DNAH17: variants seen among roughly 807,000 people sequenced by gnomAD.
DNAH17 encodes axonemal beta dynein heavy chain 17.
Under a neutral mutation model 485.6 loss-of-function variants are expected in DNAH17, and 376 were observed. That is an observed-to-expected ratio of 0.77 (90% confidence interval 0.71 to 0.84). DNAH17 has a LOEUF of 0.84. Ranked by LOEUF, DNAH17 falls within the 40% of genes least tolerant of loss-of-function variation. The pLI, the probability that DNAH17 is intolerant of heterozygous loss-of-function variation, is 0.00. For missense variants in DNAH17, 6,370 were observed against 5,839.3 expected, an observed-to-expected ratio of 1.09 and a Z score of -2.96; for synonymous variants, 3,031 against 2,405.9, an observed-to-expected ratio of 1.26 and a Z score of -7.60.
intron 25 of DNAH17, 62 bp downstream of exon 25, chr17:78,524,947 T>G (rs1049513905): frequency 1.2e-5 from 19 of 1,550,148 alleles, no homozygotes; most frequent in Non-Finnish European, 1.5e-5. Flanking sequence ...TGCCCTCTTG[T>G]TGCCGGGGGC....
chr17:78,563,440 G>C (rs1391692174), intron 11 of DNAH17, among the ~76,000 whole-genome samples: 1 of 152,010 alleles, frequency 6.6e-6, no homozygotes, highest in Admixed American at 6.6e-5. Context: ...TGACTATCCT[G>C]TAATGCGGGT....
chr17:78,430,491 A>C (rs540212947), intron 75 of DNAH17, among the ~76,000 whole-genome samples: 1 of 152,202 alleles, frequency 6.6e-6, no homozygotes, highest in African/African-American at 2.4e-5. Flanking sequence ...GCTGTCATCA[A>C]ATACCAGTGG....
rs370590530 is a variant in DNAH17 at position 78,459,227 on chromosome 17, G to C, written c.9654-19C>G. 10 of 1,611,270 alleles carry C rather than the reference G, an allele frequency of 6.2e-6. No homozygotes were observed. The African/African-American group carries it at 1.3e-4, about 22-fold the overall frequency. ...GTAGGGCCTAGCGAGGGAACCAGAG[G>C]GCCGGAGTCGTCACCCTGTCCTGCT... On this transcript the variant is annotated intron_variant, in intron 60 of 80. Transcript: ENST00000389840.
In DNAH17 at chr17:78,532,612, G is replaced by A. The variant is rs367759410; in HGVS notation, c.2984C>T (p.Thr995Met). The A allele has an allele frequency of 4.5e-5, 72 of 1,606,150 alleles. No homozygotes were observed. The highest frequency in any genetic ancestry group is 1.3e-4 in the South Asian group (12 of 89,602). The change falls in exon 20 of 81, where the codon ACG becomes ATG. Residue 995 changes from threonine to methionine, a missense_variant. By Grantham distance (81) the Thr-to-Met change is moderately conservative. Coordinates refer to ENST00000389840, the MANE Select transcript of DNAH17 (RefSeq NM_173628.4). ...CTTCATAAACTCCTGCAGGTTGTCC[G>A]TCCAGAGGTAGGAGTACCTCTCAAA... ...DSFERYSYLW[T>M]DNLQEFMKNF... is the part of the protein sequence containing the mutation.
At chr17:78,557,994 T>C in intron 14 of DNAH17, 114 bp downstream of exon 14, 1 of 1,281,658 alleles carries the variant, frequency 7.8e-7, no homozygotes, top group Admixed American at 2.7e-5. Context: ...TGAATTTGAG[T>C]GAATGGGAAG....
At chr17:78,434,530 C>T (rs1014478983) in intron 74 of DNAH17, among the ~76,000 whole-genome samples, 3 of 152,144 alleles carry the variant, frequency 2.0e-5, no homozygotes, top group Admixed American at 1.3e-4. Flanking sequence ...TTCGGGACTA[C>T]TTTAATACGA....
At chr17:78,505,174 G>T in intron 31 of DNAH17, 119 bp downstream of exon 31, 1 of 1,327,080 alleles carries the variant, frequency 7.5e-7, no homozygotes, top group African/African-American at 1.5e-5. Flanking sequence ...AGGAGCAGGG[G>T]CGGGCTGGCA....
Position 78,445,679 on chromosome 17 carries a change from A to T in DNAH17, c.11213T>A (p.Val3738Asp). The T allele has an allele frequency of 6.3e-7, 1 of 1,589,546 alleles. No individual in the cohort carries two copies. ...GTTCAGCTCCTTCTTCATGGACAGGACCTGGGGGAACATCGAGGTGTACAC... is the reference window on the plus strand; with the variant it reads ...GTTCAGCTCCTTCTTCATGGACAGGTCCTGGGGGAACATCGAGGTGTACAC... ...LIFLAQVTFQ[V>D]LSMKKELNPV... is the part of the protein sequence containing the mutation. Residue 3738 changes from valine (V) to aspartate (D), a missense_variant and splice_region_variant, in exon 70 of 81, where the codon GTC becomes GAC. Val to Asp is a radical substitution (Grantham distance 152). Coordinates refer to ENST00000389840, the MANE Select transcript of DNAH17 (RefSeq NM_173628.4).
rs1323592555 is a variant in DNAH17, at chr17:78,449,534, G to T, written c.11091C>A (p.Asn3697Lys). Residue 3697 changes from asparagine to lysine, a missense_variant, in exon 69 of 81, where the codon AAC (asparagine) becomes AAA (lysine). Transcript: ENST00000389840. ...EKAIQRTTPA[N>K]EVKQRVINLT... ...GGTTGATCACCCGCTGCTTCACCTC[G>T]TTGGCAGGGGTGGTCCTCTGGATGG... 6.2e-7 allele frequency: 1 copy of T among 1,602,184 alleles called. No homozygotes were observed. The highest frequency in any genetic ancestry group is 1.7e-5 in the Admixed American group (1 of 58,284).
Position 78,460,304 on chromosome 17 carries a change from G to A in DNAH17, c.9340-47C>T, listed in dbSNP as rs368271120. ...GAGGTTACTGCAGGCCTGTCCATGT[G>A]CCTGTGGGGGCGTGTACGTGCATGT... On this transcript the variant is annotated intron_variant, in intron 58 of 80. Coordinates refer to ENST00000389840, the MANE Select transcript of DNAH17 (RefSeq NM_173628.4). 318 of 1,525,536 alleles carry A rather than the reference G, an allele frequency of 2.1e-4. No individual in the cohort carries two copies. The African/African-American group carries it at 3.2e-3, about 15-fold the overall frequency. The allele number at this position is 1,525,536 out of a possible 1,614,324, so 94.5% of individuals were successfully genotyped here. A position where few individuals can be genotyped will look rare whatever the true frequency, so the allele number is the denominator to read the frequency against.
intron 11 of DNAH17, among the ~76,000 whole-genome samples, chr17:78,564,799 G>A (rs999387967): frequency 6.6e-6 from 1 of 151,996 alleles, no homozygotes; most frequent in Non-Finnish European, 1.5e-5. Flanking sequence ...GGAAGACAAC[G>A]AACACACAGA....
intron 40 of DNAH17, 148 bp from the exon 41 acceptor site, chr17:78,494,321 A>G (rs958291048): frequency 8.0e-7 from 1 of 1,251,186 alleles, no homozygotes; most frequent in Non-Finnish European, 1.1e-6. Flanking sequence ...TTCTGCTGTC[A>G]ATGCCGAGAG....
chr17:78,566,300 T>G (rs142698878), intron 11 of DNAH17, among the ~76,000 whole-genome samples: 269 of 152,360 alleles, frequency 1.8e-3, no homozygotes, highest in Middle Eastern at 6.8e-3. Flanking sequence ...CTTTCACTCC[T>G]TTTGAGTAGT....
intron 11 of DNAH17, 66 bp from the exon 12 acceptor site, chr17:78,562,046 G>A (rs779680142): frequency 1.6e-5 from 24 of 1,492,830 alleles, no homozygotes; most frequent in Admixed American, 2.3e-5. Context: ...CTGTGGCTGT[G>A]GACAAAACGG....
chr17:78,425,375 CCCTCTCGCGGAGGAGCGGTCATGT>C lies in DNAH17; in HGVS notation c.13088_13111del (p.Asp4363_Glu4370del). 1.2e-6 allele frequency: 2 copies of C among 1,613,996 alleles called. No homozygotes were observed. Among genetic ancestry groups the C allele is most frequent in the Non-Finnish European group, 1.7e-6 (2 of 1,179,878 alleles). The stretch of plus-strand genomic sequence containing the variant: ...CATGAAGAGTCCGTACACGTAGGAG[CCCTCTCGCGGAGGAGCGGTCATGT>C]CCTCTCGGTTTTTCTTGGTCACCTC... On this transcript the variant is annotated inframe_deletion, in exon 80 of 81. Coordinates refer to ENST00000389840, the MANE Select transcript of DNAH17 (RefSeq NM_173628.4).
intron 69 of DNAH17, among the ~76,000 whole-genome samples, chr17:78,447,810 A>ACCTGTTTATACAATTAGTGTTGCCCAG (rs1326272096): frequency 2.0e-5 from 3 of 152,180 alleles, no homozygotes; most frequent in African/African-American, 4.8e-5. Context: ...CTGATGCCCA[A>ACCTGTTTATACAATTAGTGTTGCCCAG]CCTGTTTATA....
At chr17:78,468,091 A>AG (rs995131747) in intron 55 of DNAH17, among the ~76,000 whole-genome samples, 1 of 149,184 alleles carries the variant, frequency 6.7e-6, no homozygotes, top group Non-Finnish European at 1.5e-5. Flanking sequence ...GTGTGTGGGG[A>AG]GGGGGTCCAC....
At chr17:78,518,659 C>T (rs1419323585) in intron 25 of DNAH17, among the ~76,000 whole-genome samples, 1 of 152,194 alleles carries the variant, frequency 6.6e-6, no homozygotes, top group Non-Finnish European at 1.5e-5. Context: ...ATCTAATTGA[C>T]ACGTATAAAA....
chr17:78,571,629 C>G lies in DNAH17; in HGVS notation c.693G>C (p.Trp231Cys). The change falls in exon 4 of 81, where the codon TGG (tryptophan) becomes TGC (cysteine). Residue 231 changes from tryptophan (W) to cysteine (C), a missense_variant. Trp to Cys is a radical substitution (Grantham distance 215, BLOSUM62 -2). Coordinates refer to ENST00000389840, the MANE Select transcript of DNAH17 (RefSeq NM_173628.4). Reference sequence around the variant, plus strand: ...ACTTGAGGTTCAGCAGCCGAGTGTCCCAGAACTCGAACTCCACTTGGGGCA... The same window carrying G: ...ACTTGAGGTTCAGCAGCCGAGTGTCGCAGAACTCGAACTCCACTTGGGGCA... ...HPLPQVEFEF[W>C]DTRLLNLKCI... 1.2e-6 allele frequency: 2 copies of G among 1,613,986 alleles called. No individual in the cohort carries two copies. The highest frequency in any genetic ancestry group is 1.7e-6 in the Non-Finnish European group (2 of 1,179,888).
Sources: allele counts gnomAD v4.1 joint callset (sites outside exome capture counted in the v4.1 genomes callset), GRCh38; gene constraint gnomAD v4.1.1; transcripts MANE v1.5; gene names NCBI Gene and HGNC (gene_info 2026-07-23, HGNC 2026-07-21).